PDE6D: variants seen among roughly 807,000 people sequenced by gnomAD.
PDE6D encodes the protein retinal rod rhodopsin-sensitive cGMP 3',5'-cyclic phosphodiesterase subunit delta.
A neutral mutation model predicts 21.9 loss-of-function variants in PDE6D; 10 were observed. The ratio of observed to expected loss-of-function variants is 0.46; its 90% CI spans 0.28 to 0.78. The LOEUF is 0.78. Ranked by LOEUF, PDE6D falls within the 30% of genes least tolerant of loss-of-function variation. The probability of loss-of-function intolerance (pLI) is 0.12; values close to 1 mark genes in which losing one functional copy is unlikely to be tolerated. For missense variants in PDE6D, 139 were observed against 184.8 expected, an observed-to-expected ratio of 0.75 and a Z score of 1.44; for synonymous variants, 59 against 63.5, an observed-to-expected ratio of 0.93 and a Z score of 0.34.
chr2:231,761,088 C>G (rs768171567), intron 1 of PDE6D, among the ~76,000 whole-genome samples: 5 of 152,134 alleles, frequency 3.3e-5, no homozygotes, highest in Non-Finnish European at 5.9e-5. Context: ...GTTGTGGTCT[C>G]TCTTCTGAGA....
intron 1 of PDE6D, among the ~76,000 whole-genome samples, chr2:231,760,198 CTT>C (rs2048915203): frequency 6.6e-6 from 1 of 152,142 alleles, no homozygotes; most frequent in Non-Finnish European, 1.5e-5. Context: ...AAGGGGAAGA[CTT>C]TACCAAGATA....
chr2:231,745,730 T>G (rs2048789048), intron 1 of PDE6D, among the ~76,000 whole-genome samples: 1 of 152,242 alleles, frequency 6.6e-6, no homozygotes, highest in Non-Finnish European at 1.5e-5. Flanking sequence ...GAAGTAAATA[T>G]TCCATAAATA....
intron 1 of PDE6D, among the ~76,000 whole-genome samples, chr2:231,754,048 G>A (rs1287937088): frequency 6.6e-6 from 1 of 152,136 alleles, no homozygotes; most frequent in African/African-American, 2.4e-5. Context: ...GAGTTGAGTG[G>A]CCTTTCAGGG....
intron 1 of PDE6D, among the ~76,000 whole-genome samples, chr2:231,745,775 G>A (rs948534594): frequency 2.6e-5 from 4 of 152,182 alleles, no homozygotes; most frequent in African/African-American, 9.7e-5. Flanking sequence ...GCTCAACACA[G>A]GTTACGCAAA....
At chr2:231,751,132 TA>T (rs530006427) in intron 1 of PDE6D, among the ~76,000 whole-genome samples, 2,022 of 151,306 alleles carry the variant, frequency 0.013, 30 homozygotes, top group Non-Finnish European at 0.018. Flanking sequence ...CTTTTTTTTT[TA>T]AAAATAAACA....
intron 3 of PDE6D, chr2:231,737,520 G>A: frequency 2.2e-6 from 1 of 458,130 alleles, no homozygotes; most frequent in Non-Finnish European, 3.9e-6. Flanking sequence ...AAAGGACTAG[G>A]ACCAGCGAGC....
intron 1 of PDE6D, among the ~76,000 whole-genome samples, chr2:231,775,456 GCAC>G (rs1412245814): frequency 2.7e-5 from 4 of 149,372 alleles, no homozygotes; most frequent in Admixed American, 6.7e-5. Flanking sequence ...CCACAAGCAT[GCAC>G]CACCACACCT....
At chr2:231,747,129 T>C (rs2048800370) in intron 1 of PDE6D, among the ~76,000 whole-genome samples, 1 of 152,188 alleles carries the variant, frequency 6.6e-6, no homozygotes, top group Non-Finnish European at 1.5e-5. Context: ...CGCTCTTTGT[T>C]GCCCAGGCTG....
At position 231,765,183 on chromosome 2, in the gene PDE6D, G is replaced by A. The variant is rs538878729; in HGVS notation, c.50+15882C>T. 3.9e-5 allele frequency among the ~76,000 whole-genome samples: 6 copies of A among 152,022 alleles called. No individual in the cohort carries two copies. The South Asian group carries it at 1.0e-3, about 26-fold the overall frequency. On this transcript the variant is annotated intron_variant, in intron 1 of 4. Transcript: ENST00000287600. ...AGCTACTCAGAAAGCTGAGGCAGGAGGACTGCTTGAGCCCAGGATTTCAAG... is the reference window on the plus strand; with the variant it reads ...AGCTACTCAGAAAGCTGAGGCAGGAAGACTGCTTGAGCCCAGGATTTCAAG...
intron 1 of PDE6D, among the ~76,000 whole-genome samples, chr2:231,756,608 T>TG (rs1471322740): frequency 2.0e-5 from 3 of 148,714 alleles, no homozygotes; most frequent in African/African-American, 7.6e-5. Context: ...TGGCTTTTTT[T>TG]TTTTTTTTTT....
In PDE6D at chr2:231,739,074, T is replaced by C. The variant is rs745825978; in HGVS notation, c.139+26A>G. The C allele has an allele frequency of 2.1e-5, 31 of 1,478,930 alleles. No homozygotes were observed. The highest frequency in any genetic ancestry group is 2.6e-5 in the Non-Finnish European group (28 of 1,057,264). 91.6% of individuals were successfully genotyped at this position (1,478,930 alleles called of 1,614,324 possible). A position where few individuals can be genotyped will look rare whatever the true frequency, so the allele number is the denominator to read the frequency against. On this transcript the variant is annotated intron_variant, in intron 2 of 4. Coordinates refer to ENST00000287600, the MANE Select transcript of PDE6D (RefSeq NM_002601.4). The surrounding 1 kb of genome is among the most constrained non-coding windows in gnomAD (Gnocchi z 4.2). ...GCTAGTCTGGCATTGGTCACAGCCCTGTGTAGATAAAGGGTTGGAAAGTAC... is the reference window on the plus strand; with the variant it reads ...GCTAGTCTGGCATTGGTCACAGCCCCGTGTAGATAAAGGGTTGGAAAGTAC...
intron 1 of PDE6D, among the ~76,000 whole-genome samples, chr2:231,777,280 T>C (rs2049064807): frequency 6.6e-6 from 1 of 152,216 alleles, no homozygotes; most frequent in East Asian, 1.9e-4. Flanking sequence ...TTCTACTGAA[T>C]TCACTCAGAC....
Position 231,781,175 on chromosome 2 carries a change from C to T in PDE6D, c.-61G>A. On this transcript the variant is annotated 5_prime_UTR_variant, in exon 1 of 5. Transcript: ENST00000287600. ...GGTCGGCGGAGCCTCGCAGACGGTG[C>T]CCAGGAGCCGAGGATGGAGCCGCAG... 1.3e-6 allele frequency: 2 copies of T among 1,549,010 alleles called. No individual in the cohort carries two copies. Among genetic ancestry groups the T allele is most frequent in the Non-Finnish European group, 1.8e-6 (2 of 1,125,156 alleles).
chr2:231,773,666 G>A (rs1297210364), intron 1 of PDE6D, among the ~76,000 whole-genome samples: 1 of 152,122 alleles, frequency 6.6e-6, no homozygotes, highest in Non-Finnish European at 1.5e-5. Context: ...CAAACTATGG[G>A]AGAAGAAATG....
chr2:231,774,675 G>T (rs1483627691), intron 1 of PDE6D, among the ~76,000 whole-genome samples: 1 of 151,642 alleles, frequency 6.6e-6, no homozygotes, highest in Non-Finnish European at 1.5e-5. Context: ...TGCAACCTTG[G>T]CCTCCCAGGT....
intron 1 of PDE6D, among the ~76,000 whole-genome samples, chr2:231,769,326 T>A (rs138339535): frequency 1.3e-5 from 2 of 152,330 alleles, no homozygotes; most frequent in Non-Finnish European, 2.9e-5. Context: ...AGAAGATGGC[T>A]CAAAAGCAAT....
chr2:231,738,101 C>A lies in PDE6D; in HGVS notation c.177G>T (p.Val59=). The change falls in exon 3 of 5, where the codon GTG becomes GTT. Residue 59 remains valine (V), a synonymous_variant. Coordinates refer to ENST00000287600, the MANE Select transcript of PDE6D (RefSeq NM_002601.4). The part of the protein sequence containing the change: ...VPKKILKCKA[V]SRELNFSSTE... ...TCGAAGAAAAATTAAGTTCTCGAGA[C>A]ACTGCCTTGCACTTGAGGATTTTCT... 6.2e-7 allele frequency: 1 copy of A among 1,613,374 alleles called. No individual in the cohort carries two copies. Among genetic ancestry groups the A allele is most frequent in the Non-Finnish European group, 8.5e-7 (1 of 1,179,660 alleles).
intron 1 of PDE6D, among the ~76,000 whole-genome samples, chr2:231,772,733 T>A (rs2049025257): frequency 6.6e-6 from 1 of 152,114 alleles, no homozygotes; most frequent in Admixed American, 6.5e-5. Flanking sequence ...CCATTGCTAG[T>A]CCTTTATCAA....
At chr2:231,758,238 C>T (rs2048898747) in intron 1 of PDE6D, among the ~76,000 whole-genome samples, 1 of 151,898 alleles carries the variant, frequency 6.6e-6, no homozygotes, top group African/African-American at 2.4e-5. Context: ...AACTGTTGGG[C>T]TCAAGGGATT....
Sources: gnomAD v4.1 joint callset for allele counts (sites outside exome capture counted in the v4.1 genomes callset) on GRCh38, gnomAD v4.1.1 for gene constraint, Gnocchi (gnomAD v3.1) non-coding constraint, MANE v1.5 for transcripts, NCBI Gene and HGNC (gene_info 2026-07-23, HGNC 2026-07-21) for gene names.